GALNT13: variants seen among roughly 807,000 people sequenced by gnomAD.
GALNT13 encodes the protein UDP-GalNAc:polypeptide N-acetylgalactosaminyltransferase 13.
A neutral mutation model predicts 64.2 loss-of-function variants in GALNT13; 28 were observed. The observed-to-expected ratio is 0.44, with a 90% CI of 0.32 to 0.60. The LOEUF is 0.60. Among genes scored for constraint, GALNT13 ranks in the 20% least tolerant of loss-of-function variants. The pLI, the probability that GALNT13 is intolerant of heterozygous loss-of-function variation, is 0.05. For missense variants in GALNT13, 577 were observed against 669.8 expected (o/e 0.86, Z 1.53); for synonymous variants, 214 against 224.6 (o/e 0.95, Z 0.42).
At chr2:153,452,319 A>C in the GALNT13 span, among the ~76,000 whole-genome samples, 1 of 152,144 alleles carries the variant, frequency 6.6e-6, no homozygotes, top group African/African-American at 2.4e-5. Context: ...TGTCTGTACT[A>C]AAAATACAAA....
the GALNT13 span, among the ~76,000 whole-genome samples, chr2:153,195,817 A>ATG: frequency 1.3e-5 from 2 of 152,206 alleles, no homozygotes; most frequent in African/African-American, 4.8e-5. Context: ...GGTGAGCAAG[A>ATG]CAAAGAGGAG....
At chr2:153,654,904 C>T in the GALNT13 span, among the ~76,000 whole-genome samples, 1 of 152,056 alleles carries the variant, frequency 6.6e-6, no homozygotes, top group Non-Finnish European at 1.5e-5. Flanking sequence ...TGAATCCTTG[C>T]CACTTCCACA....
At chr2:153,553,829 C>T in the GALNT13 span, among the ~76,000 whole-genome samples, 17 of 152,088 alleles carry the variant, frequency 1.1e-4, no homozygotes, top group African/African-American at 4.1e-4. Flanking sequence ...ACAGAGCGGG[C>T]AGCTGAAGGG....
At chr2:154,266,962 A>G (rs1441288677) in intron 8 of GALNT13, among the ~76,000 whole-genome samples, 1 of 152,120 alleles carries the variant, frequency 6.6e-6, no homozygotes, top group African/African-American at 2.4e-5. Flanking sequence ...ATGTATTATA[A>G]AGCTATAATA....
At chr2:153,672,637 A>C in the GALNT13 span, among the ~76,000 whole-genome samples, 1 of 152,222 alleles carries the variant, frequency 6.6e-6, no homozygotes, top group African/African-American at 2.4e-5. Flanking sequence ...ATCACAATTA[A>C]AAGAACTAGA....
chr2:153,820,555 G>A, the GALNT13 span, among the ~76,000 whole-genome samples: 1 of 152,044 alleles, frequency 6.6e-6, no homozygotes, highest in Non-Finnish European at 1.5e-5. Context: ...CAAAACAGAA[G>A]AGATTAAGGC....
intron 9 of GALNT13, among the ~76,000 whole-genome samples, chr2:154,355,901 G>C (rs909674541): frequency 6.6e-6 from 1 of 151,968 alleles, no homozygotes; most frequent in African/African-American, 2.4e-5. Context: ...TTAGTGACAG[G>C]AATCTCAGTC....
At chr2:154,105,497 A>G (rs1442865353) in intron 3 of GALNT13, among the ~76,000 whole-genome samples, 1 of 152,166 alleles carries the variant, frequency 6.6e-6, no homozygotes, top group Non-Finnish European at 1.5e-5. Context: ...CTGGTAGTCT[A>G]GTTGCGACAG....
At chr2:153,534,433 G>A in the GALNT13 span, among the ~76,000 whole-genome samples, 14 of 151,932 alleles carry the variant, frequency 9.2e-5, no homozygotes, top group African/African-American at 2.9e-4. Flanking sequence ...GAAACAGGAC[G>A]GCTAGAGTGA....
the GALNT13 span, among the ~76,000 whole-genome samples, chr2:153,366,152 A>T: frequency 2.4e-3 from 372 of 152,314 alleles, 2 homozygotes; most frequent in South Asian, 3.9e-3. Flanking sequence ...CAGGAAAACC[A>T]AACACTGCAT....
the GALNT13 span, among the ~76,000 whole-genome samples, chr2:153,469,543 T>A: frequency 6.6e-6 from 1 of 151,984 alleles, no homozygotes; most frequent in South Asian, 2.1e-4. Flanking sequence ...AAATGAACAA[T>A]GACGGTTCAA....
At chr2:153,624,792 CTTTT>C in the GALNT13 span, among the ~76,000 whole-genome samples, 10 of 121,204 alleles carry the variant, frequency 8.3e-5, no homozygotes, top group African/African-American at 1.2e-4. Flanking sequence ...GGAAGAGAGA[CTTTT>C]TTTTTTTTTT....
intron 3 of GALNT13, among the ~76,000 whole-genome samples, chr2:154,090,155 T>C (rs1384088088): frequency 6.6e-6 from 1 of 152,050 alleles, no homozygotes; most frequent in African/African-American, 2.4e-5. Context: ...AGATAAACAC[T>C]GGGTGATAAC....
At chr2:153,217,391 A>T in the GALNT13 span, among the ~76,000 whole-genome samples, 1 of 152,058 alleles carries the variant, frequency 6.6e-6, no homozygotes, top group Non-Finnish European at 1.5e-5. Context: ...GAAAACTTCT[A>T]GTCTATTATT....
chr2:153,403,112 G>A, the GALNT13 span, among the ~76,000 whole-genome samples: 16,210 of 151,580 alleles, frequency 0.11, 1,028 homozygotes, highest in African/African-American at 0.16. Flanking sequence ...TTTTGGTGTG[G>A]ATGTCCTTTA....
chr2:153,429,841 G>A, the GALNT13 span, among the ~76,000 whole-genome samples: 1 of 151,898 alleles, frequency 6.6e-6, no homozygotes, highest in East Asian at 1.9e-4. Flanking sequence ...ACCTATTTTT[G>A]ACAAACTATT....
intron 4 of GALNT13, among the ~76,000 whole-genome samples, chr2:154,171,372 C>A: frequency 6.6e-6 from 1 of 152,070 alleles, no homozygotes; most frequent in East Asian, 1.9e-4. Flanking sequence ...GCTTGAACGA[C>A]AATATGTAGA....
At chr2:153,751,934 A>G in the GALNT13 span, among the ~76,000 whole-genome samples, 1 of 151,306 alleles carries the variant, frequency 6.6e-6, no homozygotes, top group East Asian at 1.9e-4. Context: ...TTTTTTTAAT[A>G]GAGGTAATTT....
chr2:153,345,641 TTC>T, the GALNT13 span, among the ~76,000 whole-genome samples: 946 of 100,572 alleles, frequency 9.4e-3, 7 homozygotes, highest in East Asian at 0.031. Flanking sequence ...TTCTTTTTCT[TTC>T]TTTCTTTCTT....
Sources: allele counts gnomAD v4.1 joint callset (sites outside exome capture counted in the v4.1 genomes callset), GRCh38; gene constraint gnomAD v4.1.1; transcripts MANE v1.5; gene names NCBI Gene and HGNC (gene_info 2026-07-23, HGNC 2026-07-21).